TLE7: variants seen among roughly 807,000 people sequenced by gnomAD.
The protein encoded by TLE7 is TLE family member 7.
chr16:71,434,863 A>T (rs1395512333), intron 1 of TLE7, among the ~76,000 whole-genome samples: 1 of 152,170 alleles, frequency 6.6e-6, no homozygotes, highest in Admixed American at 6.5e-5. Flanking sequence ...TAGTACTTCC[A>T]CTTCTAAAAA....
At chr16:71,441,427 C>T (rs900590926) in intron 1 of TLE7, among the ~76,000 whole-genome samples, 1 of 152,240 alleles carries the variant, frequency 6.6e-6, no homozygotes, top group Admixed American at 6.5e-5. Context: ...TTCTGGCCTG[C>T]AGGGCGCGGC....
At chr16:71,433,507 A>G in intron 1 of TLE7, 87 bp from the exon 2 acceptor site, 1 of 395,536 alleles carries the variant, frequency 2.5e-6, no homozygotes, top group Non-Finnish European at 4.4e-6. Flanking sequence ...TCCTTTGGTG[A>G]AAAGATTCAA....
chr16:71,432,718 G>T lies in TLE7; in HGVS notation c.340C>A (p.Pro114Thr). ...SFLLGSEVGQ[P>T]YSSSSPSEEV... is the part of the protein sequence containing the mutation. ...TCACTGGGAGAGGAAGAAGAGTAAG[G>T]CTGGCCTGCAGGGAAAGAGCAATGC... is the stretch of plus-strand genomic sequence containing the variant. The change falls in exon 4 of 10, where the codon CCT (proline) becomes ACT (threonine). Residue 114 changes from proline (P) to threonine (T), a missense_variant. Physicochemically the swap from Pro to Thr is conservative, Grantham distance 38. Coordinates refer to ENST00000561754, the MANE Select transcript of TLE7 (RefSeq NM_001367365.2). 1 of 398,740 alleles carries T rather than the reference G, an allele frequency of 2.5e-6. No homozygotes were observed. The allele number at this position is 398,740 out of a possible 1,614,324, so 24.7% of individuals were successfully genotyped here. A position where few individuals can be genotyped will look rare whatever the true frequency, so the allele number is the denominator to read the frequency against.
chr16:71,439,266 G>C (rs4788803), intron 1 of TLE7, among the ~76,000 whole-genome samples: 16,856 of 152,262 alleles, frequency 0.11, 1,347 homozygotes, highest in South Asian at 0.35. Flanking sequence ...AAAGGTGATA[G>C]GGAGTACGTA....
chr16:71,441,710 C>T (rs2042849203), intron 1 of TLE7, among the ~76,000 whole-genome samples: 2 of 152,258 alleles, frequency 1.3e-5, no homozygotes, highest in Admixed American at 6.5e-5. Flanking sequence ...CTTCCGGACG[C>T]AGGGCCCCGC....
intron 1 of TLE7, among the ~76,000 whole-genome samples, chr16:71,434,043 G>A (rs757080125): frequency 6.6e-6 from 1 of 152,166 alleles, no homozygotes; most frequent in African/African-American, 2.4e-5. Flanking sequence ...TAAGGCAACA[G>A]GAAATTCCAC....
Position 71,440,139 on chromosome 16 carries a change from C to G in TLE7, c.-97+1830G>C, listed in dbSNP as rs1326585147. 2.0e-5 allele frequency among the ~76,000 whole-genome samples: 3 copies of G among 152,206 alleles called. No homozygotes were observed. In the East Asian group the frequency reaches 5.8e-4, roughly 29 times the overall value. On this transcript the variant is annotated intron_variant, in intron 1 of 9. Transcript: ENST00000561754. ...GCATGATTCTATCTACATGAAATAT[C>G]CACAAAAGGCCAGTCCTTAGAGACA...
At chr16:71,439,707 A>G (rs2042839964) in intron 1 of TLE7, among the ~76,000 whole-genome samples, 1 of 152,246 alleles carries the variant, frequency 6.6e-6, no homozygotes, top group South Asian at 2.1e-4. Context: ...GACAGCCACC[A>G]AAACCACAGA....
intron 9 of TLE7, 40 bp downstream of exon 9, chr16:71,430,628 T>C: frequency 2.5e-6 from 1 of 398,432 alleles, no homozygotes; most frequent in Non-Finnish European, 4.4e-6. Context: ...AGCTACAAGC[T>C]CCCAGTGCCT....
At chr16:71,438,225 G>A (rs1421364286) in intron 1 of TLE7, among the ~76,000 whole-genome samples, 1 of 152,006 alleles carries the variant, frequency 6.6e-6, no homozygotes, top group Admixed American at 6.6e-5. Context: ...CTGAGGTCAC[G>A]AGTTCGAGAC....
In TLE7 at chr16:71,431,620, T is replaced by C. The variant is rs2042803974; in HGVS notation, c.852-58A>G. The C allele has an allele frequency of 2.5e-6, 1 of 400,472 alleles. No individual in the cohort carries two copies. The highest frequency in any genetic ancestry group is 3.6e-5 in the East Asian group (1 of 28,050). 24.8% of individuals were successfully genotyped at this position (400,472 alleles called of 1,614,324 possible). On this transcript the variant is annotated intron_variant, in intron 6 of 9. Transcript: ENST00000561754. This position sits in a 1 kb window ranked among gnomAD's most constrained non-coding sequence, Gnocchi z 4.5. Reference sequence around the variant, plus strand: ...TGAATGGTTTGGGCCCCCGGGAAGTTTCAGGGTCAGGAAGCCCCTAGGAGT... The same window carrying C: ...TGAATGGTTTGGGCCCCCGGGAAGTCTCAGGGTCAGGAAGCCCCTAGGAGT...
intron 1 of TLE7, among the ~76,000 whole-genome samples, chr16:71,441,304 T>G (rs2042846802): frequency 6.6e-6 from 1 of 152,254 alleles, no homozygotes; most frequent in Non-Finnish European, 1.5e-5. Context: ...AGGCTGGTCT[T>G]GAACTGCTGG....
At chr16:71,434,048 T>C (rs4258624) in intron 1 of TLE7, among the ~76,000 whole-genome samples, 52,139 of 151,974 alleles carry the variant, frequency 0.34, 10,524 homozygotes, top group African/African-American at 0.55. Flanking sequence ...CAACAGGAAA[T>C]TCCACATACA....
chr16:71,437,135 G>C (rs2042829235), intron 1 of TLE7, among the ~76,000 whole-genome samples: 1 of 152,090 alleles, frequency 6.6e-6, no homozygotes. Flanking sequence ...GATCACCTGA[G>C]GTCAGATGTT....
chr16:71,432,794 ACCAGGC>A (rs1211511263), intron 3 of TLE7, 70 bp downstream of exon 3: 8 of 398,896 alleles, frequency 2.0e-5, no homozygotes, highest in Non-Finnish European at 3.5e-5. Flanking sequence ...CTCTGTTGAC[ACCAGGC>A]CCCCGTTCCT....
chr16:71,437,483 A>AGAAGG (rs2042831071), intron 1 of TLE7, among the ~76,000 whole-genome samples: 1 of 150,130 alleles, frequency 6.7e-6, no homozygotes, highest in South Asian at 2.1e-4. Context: ...AGAAGAGAAG[A>AGAAGG]GAAAGAAATT....
chr16:71,432,838 C>T (rs893419025), intron 3 of TLE7, 32 bp downstream of exon 3: 4 of 399,080 alleles, frequency 1.0e-5, no homozygotes, highest in Non-Finnish European at 1.8e-5. Flanking sequence ...CCAGCTTGGG[C>T]AACCACACGC....
rs2042800425 is a variant in TLE7, at chr16:71,431,023, A to G, written c.1147+98T>C. The G allele has an allele frequency of 5.0e-6, 2 of 399,888 alleles. No individual in the cohort carries two copies. The highest frequency in any genetic ancestry group is 8.8e-6 in the Non-Finnish European group (2 of 226,214). The allele number at this position is 399,888 out of a possible 1,614,324, so 24.8% of individuals were successfully genotyped here. ...TTCTGTGCAGGATCTCCCATTACGG[A>G]GGGAGCCAGAAAAGGAAAGGGGGGT... On this transcript the variant is annotated intron_variant, in intron 8 of 9. Transcript: ENST00000561754. The surrounding 1 kb of genome is among the most constrained non-coding windows in gnomAD (Gnocchi z 4.5).
chr16:71,436,140 C>T (rs1369400059), intron 1 of TLE7, among the ~76,000 whole-genome samples: 1 of 152,080 alleles, frequency 6.6e-6, no homozygotes, highest in East Asian at 1.9e-4. Flanking sequence ...TCACTCAAAC[C>T]CCCCATGGCA....
Sources: gnomAD v4.1 joint callset for allele counts (sites outside exome capture counted in the v4.1 genomes callset) on GRCh38, gnomAD v4.1.1 for gene constraint, Gnocchi (gnomAD v3.1) non-coding constraint, MANE v1.5 for transcripts, NCBI Gene and HGNC (gene_info 2026-07-23, HGNC 2026-07-21) for gene names.